The following DNAJC1 variants were observed in gnomAD, a reference collection of about 807,000 sequenced individuals.
The protein encoded by DNAJC1 is dnaJ homolog subfamily C member 1.
In DNAJC1, 58 loss-of-function variants were observed where a neutral mutation model predicts 76.6. The observed-to-expected ratio is 0.76, with a 90% CI of 0.61 to 0.94. The LOEUF is 0.94. DNAJC1 is among the 40% of genes least tolerant of loss of function. The pLI, the probability that DNAJC1 is intolerant of heterozygous loss-of-function variation, is 0.00. For missense variants in DNAJC1, 689 were observed against 677.3 expected, an observed-to-expected ratio of 1.02 and a Z score of -0.19; for synonymous variants, 258 against 267.9, an observed-to-expected ratio of 0.96 and a Z score of 0.36.
intron 1 of DNAJC1, among the ~76,000 whole-genome samples, chr10:21,935,471 G>C (rs921080355): frequency 2.6e-5 from 4 of 151,996 alleles, no homozygotes; most frequent in Non-Finnish European, 5.9e-5. Context: ...AATGAACAAA[G>C]CCTAAGAGAC....
chr10:21,799,765 C>T lies in DNAJC1; in HGVS notation c.1098+6215G>A, dbSNP rs76058928. ...CCATGTTGTCCTCTTCGATTTATTCCTTTTGTTGCTGGAGTACAACCTCAG... is the reference window on the plus strand; with the variant it reads ...CCATGTTGTCCTCTTCGATTTATTCTTTTTGTTGCTGGAGTACAACCTCAG... On this transcript the variant is annotated intron_variant, in intron 9 of 11. Coordinates refer to ENST00000376980, the MANE Select transcript of DNAJC1 (RefSeq NM_022365.4). Among the ~76,000 whole-genome samples, 911 of 152,102 alleles carry T rather than the reference C, an allele frequency of 6.0e-3. 6 individuals are homozygous for T. The highest frequency in any genetic ancestry group is 0.02 in the African/African-American group (849 of 41,488).
At chr10:21,977,190 G>A (rs1838080056) in intron 1 of DNAJC1, among the ~76,000 whole-genome samples, 1 of 151,706 alleles carries the variant, frequency 6.6e-6, no homozygotes, top group African/African-American at 2.4e-5. Context: ...TTAAATACCA[G>A]AACAACATTC....
intron 1 of DNAJC1, among the ~76,000 whole-genome samples, chr10:21,976,440 T>C (rs963035798): frequency 6.6e-6 from 1 of 152,232 alleles, no homozygotes; most frequent in African/African-American, 2.4e-5. Flanking sequence ...GTCTTTTCCC[T>C]ACTACCCACA....
At chr10:21,878,976 G>T (rs1836229887) in intron 8 of DNAJC1, among the ~76,000 whole-genome samples, 1 of 152,104 alleles carries the variant, frequency 6.6e-6, no homozygotes, top group South Asian at 2.1e-4. Context: ...ATGCAATTAT[G>T]AATAAATCTC....
chr10:21,873,153 G>C (rs1353126690), intron 8 of DNAJC1, among the ~76,000 whole-genome samples: 1 of 152,042 alleles, frequency 6.6e-6, no homozygotes, highest in Admixed American at 6.6e-5. Flanking sequence ...GACCCCCTTA[G>C]AGTTGTAAGC....
intron 9 of DNAJC1, among the ~76,000 whole-genome samples, chr10:21,799,002 A>G (rs980093271): frequency 1.3e-5 from 2 of 152,248 alleles, no homozygotes; most frequent in African/African-American, 4.8e-5. Context: ...CCAACAATCT[A>G]CTGCTAGAGA....
At chr10:21,819,152 C>T (rs753821654) in intron 8 of DNAJC1, among the ~76,000 whole-genome samples, 2 of 152,250 alleles carry the variant, frequency 1.3e-5, no homozygotes, top group Non-Finnish European at 2.9e-5. Flanking sequence ...CCTGTTAATA[C>T]CAGCATCTTG....
chr10:21,851,772 C>G (rs957558937), intron 8 of DNAJC1, among the ~76,000 whole-genome samples: 1 of 151,964 alleles, frequency 6.6e-6, no homozygotes, highest in African/African-American at 2.4e-5. Context: ...TTGTAAGATA[C>G]GGCCGGGCGC....
intron 6 of DNAJC1, among the ~76,000 whole-genome samples, chr10:21,918,374 AGT>A: frequency 1.0e-5 from 1 of 95,436 alleles, no homozygotes; most frequent in Non-Finnish European, 2.1e-5. Context: ...GTTCATGTAA[AGT>A]TTTTTTTTTT....
intron 9 of DNAJC1, among the ~76,000 whole-genome samples, chr10:21,787,744 G>A (rs1040865996): frequency 1.3e-5 from 2 of 152,182 alleles, no homozygotes; most frequent in African/African-American, 4.8e-5. Flanking sequence ...GATCCCAGCA[G>A]CCCCCACCAA....
intron 10 of DNAJC1, among the ~76,000 whole-genome samples, chr10:21,763,105 A>G (rs940013408): frequency 6.6e-6 from 1 of 152,088 alleles, no homozygotes; most frequent in Non-Finnish European, 1.5e-5. Context: ...TAATTTTTGT[A>G]GTTTTAGTAG....
intron 1 of DNAJC1, among the ~76,000 whole-genome samples, chr10:21,946,748 C>G (rs745996400): frequency 1.3e-5 from 2 of 152,080 alleles, no homozygotes; most frequent in Non-Finnish European, 2.9e-5. Context: ...ATAATAGCCC[C>G]AAATTAGAAA....
intron 8 of DNAJC1, among the ~76,000 whole-genome samples, chr10:21,809,152 A>G (rs1025514033): frequency 6.6e-6 from 1 of 152,160 alleles, no homozygotes; most frequent in African/African-American, 2.4e-5. Context: ...GTATTTTTAA[A>G]GTAATCTATA....
intron 1 of DNAJC1, among the ~76,000 whole-genome samples, chr10:21,952,754 G>A (rs919548989): frequency 2.0e-5 from 3 of 152,034 alleles, no homozygotes; most frequent in Admixed American, 6.6e-5. Context: ...GCAAGACTCC[G>A]TCTCAATCAA....
chr10:21,842,892 T>C (rs1835595994), intron 8 of DNAJC1, among the ~76,000 whole-genome samples: 1 of 152,174 alleles, frequency 6.6e-6, no homozygotes, highest in Non-Finnish European at 1.5e-5. Flanking sequence ...AATATAAACT[T>C]CATGAGAGCA....
intron 1 of DNAJC1, among the ~76,000 whole-genome samples, chr10:21,949,906 T>A (rs1244436750): frequency 6.6e-6 from 1 of 152,174 alleles, no homozygotes; most frequent in East Asian, 1.9e-4. Context: ...ACTGGGTTGA[T>A]TTCATTCAAA....
At chr10:21,773,472 T>C (rs1038782994) in intron 9 of DNAJC1, among the ~76,000 whole-genome samples, 1 of 152,222 alleles carries the variant, frequency 6.6e-6, no homozygotes, top group Non-Finnish European at 1.5e-5. Flanking sequence ...CTAATTTCAT[T>C]CTACTGGAAT....
At chr10:21,772,268 CTTCTT>C (rs1469957756) in intron 9 of DNAJC1, among the ~76,000 whole-genome samples, 3 of 62,008 alleles carry the variant, frequency 4.8e-5, no homozygotes, top group Non-Finnish European at 9.1e-5. Flanking sequence ...ATTCACCCCT[CTTCTT>C]TTTTTTTTTT....
intron 10 of DNAJC1, among the ~76,000 whole-genome samples, chr10:21,762,969 G>A (rs1203872197): frequency 6.6e-6 from 1 of 151,986 alleles, no homozygotes; most frequent in Non-Finnish European, 1.5e-5. Flanking sequence ...TCGCTCTGTT[G>A]CCCAGGCTGG....
Sources: gnomAD v4.1 joint callset for allele counts (sites outside exome capture counted in the v4.1 genomes callset) on GRCh38, gnomAD v4.1.1 for gene constraint, MANE v1.5 for transcripts, NCBI Gene and HGNC (gene_info 2026-07-23, HGNC 2026-07-21) for gene names.